REC114: variants seen among roughly 807,000 people sequenced by gnomAD.
REC114 encodes the protein meiotic recombination protein REC114.
In REC114, 27 loss-of-function variants were observed where a neutral mutation model predicts 31.3. The ratio of observed to expected loss-of-function variants is 0.86; its 90% CI spans 0.64 to 1.19. The LOEUF is 1.19. Ranked by LOEUF, REC114 falls within the 50% of genes most tolerant of loss-of-function variation. REC114 has a pLI of 0.00. For synonymous variants in REC114, 134 were observed against 127.7 expected, an observed-to-expected ratio of 1.05 and a Z score of -0.33; for missense variants, 344 against 326.9, an observed-to-expected ratio of 1.05 and a Z score of -0.40.
At chr15:73,443,471 TGGGGAATG>T in intron 1 of REC114, 127 bp downstream of exon 1, 1 of 1,146,932 alleles carries the variant, frequency 8.7e-7, no homozygotes, top group Non-Finnish European at 1.2e-6. Flanking sequence ...CCAGGCCTGT[TGGGGAATG>T]GACAGGCCGA....
chr15:73,467,555 TTC>T (rs1893078723), intron 1 of REC114, among the ~76,000 whole-genome samples: 1 of 152,240 alleles, frequency 6.6e-6, no homozygotes, highest in African/African-American at 2.4e-5. Context: ...TTCAGAGACT[TTC>T]TATGTCTTTT....
At chr15:73,478,152 G>A (rs1893240163) in intron 2 of REC114, among the ~76,000 whole-genome samples, 1 of 150,596 alleles carries the variant, frequency 6.6e-6, no homozygotes. Context: ...TAATCCCAGT[G>A]ACTCGGGAGG....
chr15:73,453,192 A>G (rs1233426912), intron 1 of REC114, among the ~76,000 whole-genome samples: 4 of 152,226 alleles, frequency 2.6e-5, no homozygotes, highest in Non-Finnish European at 5.9e-5. Flanking sequence ...CAGAGTGAAC[A>G]GGCAATCTAC....
intron 1 of REC114, among the ~76,000 whole-genome samples, chr15:73,469,999 T>A (rs1023922559): frequency 2.0e-5 from 3 of 152,190 alleles, no homozygotes; most frequent in African/African-American, 7.2e-5. Flanking sequence ...TCCTTTTGTT[T>A]TTAACCTGTT....
At chr15:73,546,305 G>C (rs948940965) in intron 3 of REC114, among the ~76,000 whole-genome samples, 3 of 151,990 alleles carry the variant, frequency 2.0e-5, no homozygotes, top group Non-Finnish European at 4.4e-5. Flanking sequence ...TGCCACAGGG[G>C]AGTTAGGCAT....
At chr15:73,488,329 A>G (rs2141301077) in intron 2 of REC114, among the ~76,000 whole-genome samples, 1 of 152,252 alleles carries the variant, frequency 6.6e-6, no homozygotes, top group Non-Finnish European at 1.5e-5. Flanking sequence ...GCTTGGCCAT[A>G]CCTTTAGGGT....
At chr15:73,494,797 T>C (rs898830525) in intron 2 of REC114, among the ~76,000 whole-genome samples, 1 of 152,196 alleles carries the variant, frequency 6.6e-6, no homozygotes, top group Admixed American at 6.5e-5. Context: ...GACACTCTAA[T>C]TGGGTAGCTA....
rs1893169289 is a variant in REC114, at chr15:73,473,816, C to T, written c.160-16C>T. 1.4e-6 allele frequency: 2 copies of T among 1,438,244 alleles called. No homozygotes were observed. Among genetic ancestry groups the T allele is most frequent in the Non-Finnish European group, 9.6e-7 (1 of 1,044,216 alleles). The allele number at this position is 1,438,244 out of a possible 1,614,324, so 89.1% of individuals were successfully genotyped here. The stretch of plus-strand genomic sequence containing the variant: ...TGTATTATCTTTTACATATTTTTCT[C>T]CTTCTCCCTTTCAAGGTTTTTGATT... On this transcript the variant is annotated splice_polypyrimidine_tract_variant and intron_variant, in intron 1 of 5. Coordinates refer to ENST00000331090, the MANE Select transcript of REC114 (RefSeq NM_001042367.2).
intron 2 of REC114, among the ~76,000 whole-genome samples, chr15:73,476,774 A>T (rs1226758484): frequency 6.6e-6 from 1 of 152,190 alleles, no homozygotes; most frequent in African/African-American, 2.4e-5. Flanking sequence ...TTGCTTATCC[A>T]TTCAACTTTT....
At chr15:73,557,497 AT>A in intron 5 of REC114, among the ~76,000 whole-genome samples, 1 of 152,270 alleles carries the variant, frequency 6.6e-6, no homozygotes, top group East Asian at 1.9e-4. Flanking sequence ...ATCATATAGA[AT>A]AAAAAACTCA....
intron 2 of REC114, among the ~76,000 whole-genome samples, chr15:73,517,938 T>G (rs907004859): frequency 6.6e-6 from 1 of 152,096 alleles, no homozygotes; most frequent in Non-Finnish European, 1.5e-5. Flanking sequence ...CTGCCACATG[T>G]AGGAGGAAAA....
chr15:73,476,355 T>C (rs968516717), intron 2 of REC114, among the ~76,000 whole-genome samples: 1 of 152,144 alleles, frequency 6.6e-6, no homozygotes, highest in African/African-American at 2.4e-5. Flanking sequence ...ATACAGAACA[T>C]TTCAATTAAC....
At chr15:73,543,809 C>T (rs1242384043) in intron 3 of REC114, among the ~76,000 whole-genome samples, 1 of 152,016 alleles carries the variant, frequency 6.6e-6, no homozygotes, top group Non-Finnish European at 1.5e-5. Flanking sequence ...TTTTTTATTA[C>T]TTTCCCCACC....
chr15:73,467,605 G>A (rs1179794221), intron 1 of REC114, among the ~76,000 whole-genome samples: 1 of 152,146 alleles, frequency 6.6e-6, no homozygotes, highest in Non-Finnish European at 1.5e-5. Flanking sequence ...GTACATAGTG[G>A]ATACTTTGCT....
chr15:73,446,912 T>C (rs1262334984), intron 1 of REC114, among the ~76,000 whole-genome samples: 2 of 152,142 alleles, frequency 1.3e-5, no homozygotes, highest in Admixed American at 1.3e-4. Context: ...TGGAGGGGAA[T>C]ATGAGTGGAT....
chr15:73,477,325 C>T (rs1893229165), intron 2 of REC114, among the ~76,000 whole-genome samples: 1 of 152,126 alleles, frequency 6.6e-6, no homozygotes, highest in Non-Finnish European at 1.5e-5. Context: ...TTTTGAAGAG[C>T]AGAAGTTAAA....
chr15:73,443,893 G>C (rs1033303013), intron 1 of REC114, among the ~76,000 whole-genome samples: 10 of 152,070 alleles, frequency 6.6e-5, no homozygotes, highest in Non-Finnish European at 1.5e-4. Context: ...TAATATAATA[G>C]TACAGGCCCT....
chr15:73,459,323 A>G (rs1216343285), intron 1 of REC114, among the ~76,000 whole-genome samples: 1 of 151,240 alleles, frequency 6.6e-6, no homozygotes, highest in Non-Finnish European at 1.5e-5. Context: ...TCCACCTCGC[A>G]GGGTCAAGCG....
At chr15:73,556,441 C>T (rs1329490393) in intron 5 of REC114, 50 bp downstream of exon 5, 1 of 1,468,464 alleles carries the variant, frequency 6.8e-7, no homozygotes, top group African/African-American at 1.4e-5. Context: ...AGCAGTGACC[C>T]CTAAGAATTT....
Sources: allele counts gnomAD v4.1 joint callset (sites outside exome capture counted in the v4.1 genomes callset), GRCh38; gene constraint gnomAD v4.1.1; transcripts MANE v1.5; gene names NCBI Gene and HGNC (gene_info 2026-07-23, HGNC 2026-07-21).